The following RTEL1 variants were observed in gnomAD, a reference collection of about 807,000 sequenced individuals.
The protein encoded by RTEL1 is regulator of telomere elongation helicase 1, also known as regulator of telomere length.
In RTEL1, 86 loss-of-function variants were observed where a neutral mutation model predicts 162.2. The ratio of observed to expected loss-of-function variants is 0.53; its 90% CI spans 0.45 to 0.63. The LOEUF is 0.63. Ranked by LOEUF, RTEL1 falls within the 30% of genes least tolerant of loss-of-function variation. The pLI is 0.00. For synonymous variants in RTEL1, 958 were observed against 717.9 expected (o/e 1.33, Z -5.35); for missense variants, 1,941 against 1,750.2 (o/e 1.11, Z -1.95).
Position 63,659,289 on chromosome 20 carries a change from G to A in RTEL1, c.-114G>A. ...GCGTTGTGTCCCAGTGCACATGCTC[G>A]CATCGCTTACCAGGAGTGCCCGAGA... On this transcript the variant is annotated 5_prime_UTR_variant, in exon 2 of 35. Coordinates refer to ENST00000360203, the MANE Select transcript of RTEL1 (RefSeq NM_001283009.2). 4.2e-6 allele frequency: 3 copies of A among 720,462 alleles called. No homozygotes were observed. The highest frequency in any genetic ancestry group is 2.6e-5 in the East Asian group (1 of 38,000). 44.6% of individuals were successfully genotyped at this position (720,462 alleles called of 1,614,324 possible).
At chr20:63,677,276 G>T (rs977365966) in intron 10 of RTEL1, among the ~76,000 whole-genome samples, 2 of 152,212 alleles carry the variant, frequency 1.3e-5, no homozygotes, top group Non-Finnish European at 2.9e-5. Context: ...TGTTTTCGTG[G>T]AGATACAGCC....
chr20:63,671,734 G>A (rs1055934266), intron 8 of RTEL1, among the ~76,000 whole-genome samples: 4 of 150,014 alleles, frequency 2.7e-5, no homozygotes, highest in Admixed American at 6.7e-5. Context: ...CTCGTGATCC[G>A]CCTGCCTCGG....
At chr20:63,660,241 A>G (rs2089991482) in intron 2 of RTEL1, among the ~76,000 whole-genome samples, 1 of 152,184 alleles carries the variant, frequency 6.6e-6, no homozygotes, top group Non-Finnish European at 1.5e-5. Context: ...TCTTTTACTA[A>G]TCCTCAGCAC....
chr20:63,681,410 A>G (rs112069509), intron 14 of RTEL1: 1 of 985,306 alleles, frequency 1.0e-6, no homozygotes, highest in African/African-American at 1.7e-5. Context: ...AAGCCAAGGC[A>G]CAGGTGGCTG....
chr20:63,688,264 C>G (rs1307703006), intron 19 of RTEL1, 37 bp from the exon 20 acceptor site: 1 of 1,609,608 alleles, frequency 6.2e-7, no homozygotes. Context: ...CTGCAGACAT[C>G]CTGCCCCTGC....
rs918462634 is a variant in RTEL1 at position 63,694,893 on chromosome 20, C to G, written c.3262C>G (p.Gln1088Glu). The G allele has an allele frequency of 4.3e-6, 7 of 1,612,628 alleles. 1 individual carries two copies. The Admixed American group carries it at 5.0e-5, about 12-fold the overall frequency. ...QLLAALTAYK[Q>E]DDDLDKVLAV... is the part of the protein sequence containing the mutation. ...CTTGGCAGCGCTGACAGCCTATAAG[C>G]AAGACGACGACCTCGACAAGGTGCT... Residue 1088 changes from glutamine to glutamate, a missense_variant, in exon 32 of 35, where the codon CAA becomes GAA. Coordinates refer to ENST00000360203, the MANE Select transcript of RTEL1 (RefSeq NM_001283009.2).
intron 28 of RTEL1, chr20:63,692,561 GCCCATT>G (rs2090775257): frequency 1.7e-6 from 1 of 572,720 alleles, no homozygotes; most frequent in African/African-American, 1.9e-5. Flanking sequence ...TCTACCCTTT[GCCCATT>G]CACTGCTCTC....
chr20:63,691,083 C>T lies in RTEL1; in HGVS notation c.2556+136C>T, dbSNP rs977260505. ...CCTGGCAGGCAGGCGGGCAAGCGGGCGGGGGATCCCAGCTGCCTGGCTGTC... is the reference window on the plus strand; with the variant it reads ...CCTGGCAGGCAGGCGGGCAAGCGGGTGGGGGATCCCAGCTGCCTGGCTGTC... On this transcript the variant is annotated intron_variant, in intron 27 of 34. Transcript: ENST00000360203. 1.3e-5 allele frequency: 13 copies of T among 972,046 alleles called. No individual in the cohort carries two copies. In the East Asian group the frequency reaches 1.4e-4, roughly 10 times the overall value. 60.2% of individuals were successfully genotyped at this position (972,046 alleles called of 1,614,324 possible). A position where few individuals can be genotyped will look rare whatever the true frequency, so the allele number is the denominator to read the frequency against.
At chr20:63,686,772 G>A (rs527477542) in intron 16 of RTEL1, 5 of 154,856 alleles carry the variant, frequency 3.2e-5, no homozygotes, top group Admixed American at 6.5e-5. Flanking sequence ...CGTCCATCCC[G>A]GGGGGAGGCC....
intron 14 of RTEL1, among the ~76,000 whole-genome samples, chr20:63,683,585 C>A (rs1031494835): frequency 1.3e-5 from 2 of 152,184 alleles, no homozygotes; most frequent in Non-Finnish European, 2.9e-5. Flanking sequence ...GGTGTCTGCC[C>A]CCCGGTGTTC....
rs368571741 is a variant in RTEL1, at chr20:63,689,692, C to G, written c.2025+44C>G. ...GGGCTGGGGTAAGGCGGTCTGGTGA[C>G]TGAGCCCCCGCCCCGTGGCCAAGGG... is the stretch of plus-strand genomic sequence containing the variant. On this transcript the variant is annotated intron_variant, in intron 23 of 34. Transcript: ENST00000360203. 51 of 1,604,334 alleles carry G rather than the reference C, an allele frequency of 3.2e-5. 2 individuals carry two copies. In the Middle Eastern group the frequency reaches 5.0e-4, roughly 16 times the overall value.
At chr20:63,693,867 A>T (rs924252854) in intron 30 of RTEL1, among the ~76,000 whole-genome samples, 9 of 148,636 alleles carry the variant, frequency 6.1e-5, no homozygotes, top group Admixed American at 6.0e-4. Context: ...TCCAACTGCC[A>T]CACGTCCCCT....
intron 30 of RTEL1, 58 bp from the exon 31 acceptor site, chr20:63,694,314 C>CCCCCCGGG: frequency 8.3e-7 from 1 of 1,206,044 alleles, no homozygotes; most frequent in Non-Finnish European, 1.2e-6. Flanking sequence ...GCCCCCCCAC[C>CCCCCCGGG]CCAGGGAACT....
rs772749212 is a variant in RTEL1 at position 63,667,497 on chromosome 20, C to G, written c.643C>G (p.Leu215Val). The change falls in exon 8 of 35, where the codon CTG becomes GTG. Residue 215 changes from leucine to valine, a missense_variant. Physicochemically the swap from Leu to Val is conservative, Grantham distance 32 (BLOSUM62 1). Transcript: ENST00000360203. ...RVCPYYLSRN[L>V]KQQADIIFMP... Reference sequence around the variant, plus strand: ...GTGCCCTTACTACCTGTCCCGGAACCTGAAGCAGCAAGCCGACATCATATT... The same window carrying G: ...GTGCCCTTACTACCTGTCCCGGAACGTGAAGCAGCAAGCCGACATCATATT... 1.2e-6 allele frequency: 2 copies of G among 1,614,054 alleles called. No individual in the cohort carries two copies. Among genetic ancestry groups the G allele is most frequent in the South Asian group, 2.2e-5 (2 of 91,082 alleles).
At position 63,680,646 on chromosome 20, in the gene RTEL1, C is replaced by T. The variant is rs377380761; in HGVS notation, c.1136-18C>T. ...CCCCTGCCTGCAGTGTGGGTGTCAG[C>T]GCCCTGCTGCCCTCCAGGTGCTGGA... On this transcript the variant is annotated intron_variant, in intron 13 of 34. Coordinates refer to ENST00000360203, the MANE Select transcript of RTEL1 (RefSeq NM_001283009.2). The T allele has an allele frequency of 3.2e-5, 51 of 1,612,594 alleles. No individual in the cohort carries two copies. The African/African-American group carries it at 5.2e-4, about 16-fold the overall frequency.
chr20:63,690,477 GTGGCGGAGCGGGCGGCGT>G, intron 26 of RTEL1, 36 bp downstream of exon 26: 1 of 1,509,698 alleles, frequency 6.6e-7, no homozygotes. Context: ...CGGTGTGGGG[GTGGCGGAGCGGGCGGCGT>G]GGGGCGGGCA....
chr20:63,682,328 C>T lies in RTEL1; in HGVS notation c.1191+1609C>T, dbSNP rs373138106. On this transcript the variant is annotated intron_variant, in intron 14 of 34. Coordinates refer to ENST00000360203, the MANE Select transcript of RTEL1 (RefSeq NM_001283009.2). ...AAGACTCCACACTCTGGAACCGAAT[C>T]CTGGAACGCGGCCTCCCAGGCCCCC... is the stretch of plus-strand genomic sequence containing the variant. 2.0e-5 allele frequency: 20 copies of T among 985,190 alleles called. No individual in the cohort carries two copies. In the South Asian group the frequency reaches 9.5e-4, roughly 47 times the overall value. 61.0% of individuals were successfully genotyped at this position (985,190 alleles called of 1,614,324 possible).
intron 10 of RTEL1, among the ~76,000 whole-genome samples, chr20:63,677,515 AGACACGAGAATT>A (rs1264417844): frequency 9.8e-5 from 15 of 152,340 alleles, no homozygotes; most frequent in African/African-American, 3.6e-4. Flanking sequence ...GTCGGGAGAC[AGACACGAGAATT>A]GCTTGAACCT....
At chr20:63,684,998 C>G (rs186230744) in intron 14 of RTEL1, among the ~76,000 whole-genome samples, 63 of 151,978 alleles carry the variant, frequency 4.1e-4, no homozygotes, top group Non-Finnish European at 6.5e-4. Context: ...TCAGCTCAAC[C>G]TCCCAAGTAG....
Sources: allele counts gnomAD v4.1 joint callset (sites outside exome capture counted in the v4.1 genomes callset), GRCh38; gene constraint gnomAD v4.1.1; transcripts MANE v1.5; gene names NCBI Gene and HGNC (gene_info 2026-07-23, HGNC 2026-07-21).